The following INPP5A variants were observed in gnomAD, a reference collection of about 807,000 sequenced individuals.
INPP5A encodes inositol polyphosphate-5-phosphatase A, also known as 43 kDa inositol polyphosphate 5-phophatase.
A neutral mutation model predicts 65.2 loss-of-function variants in INPP5A; 14 were observed. The ratio of observed to expected loss-of-function variants is 0.21; its 90% CI spans 0.14 to 0.34. INPP5A has a LOEUF of 0.34. INPP5A is among the 10% of genes least tolerant of loss of function. The pLI, the probability that INPP5A is intolerant of heterozygous loss-of-function variation, is 1.00. For synonymous variants in INPP5A, 207 were observed against 208.3 expected (o/e 0.99, Z 0.05); for missense variants, 431 against 545.6 (o/e 0.79, Z 2.09).
chr10:132,752,431 T>G (rs1590984552), intron 11 of INPP5A, among the ~76,000 whole-genome samples: 2 of 60,276 alleles, frequency 3.3e-5, no homozygotes, highest in Admixed American at 1.7e-4. Flanking sequence ...TGGAGGGGCG[T>G]GTGATGTGGA....
chr10:132,735,589 C>G (rs191401109), intron 9 of INPP5A, among the ~76,000 whole-genome samples: 146 of 152,352 alleles, frequency 9.6e-4, no homozygotes, highest in African/African-American at 3.4e-3. Context: ...CCCATCCTTG[C>G]CCCCTCGGTC....
intron 1 of INPP5A, among the ~76,000 whole-genome samples, chr10:132,602,638 A>G (rs1315361906): frequency 1.3e-5 from 2 of 152,120 alleles, no homozygotes; most frequent in Non-Finnish European, 2.9e-5. Flanking sequence ...GGTTTTGTAT[A>G]CATAAGAGCA....
chr10:132,702,319 T>C (rs1271775532), intron 6 of INPP5A, among the ~76,000 whole-genome samples: 1 of 152,272 alleles, frequency 6.6e-6, no homozygotes, highest in Non-Finnish European at 1.5e-5. Context: ...TTTCTCGTTT[T>C]ATTTATTCAG....
intron 2 of INPP5A, among the ~76,000 whole-genome samples, chr10:132,620,281 A>G (rs1049219060): frequency 2.0e-5 from 3 of 152,238 alleles, no homozygotes; most frequent in African/African-American, 4.8e-5. Flanking sequence ...TGGTTGCTTT[A>G]CAGCCTTTTT....
At chr10:132,712,330 G>T (rs1029433352) in intron 8 of INPP5A, among the ~76,000 whole-genome samples, 1 of 152,036 alleles carries the variant, frequency 6.6e-6, no homozygotes, top group Non-Finnish European at 1.5e-5. Context: ...TTTGTGTGGG[G>T]GTGGGTGTGC....
chr10:132,581,677 T>A (rs575738705), intron 1 of INPP5A, among the ~76,000 whole-genome samples: 1 of 152,182 alleles, frequency 6.6e-6, no homozygotes, highest in Non-Finnish European at 1.5e-5. Context: ...TGACCATTCA[T>A]GTATTTCTTT....
chr10:132,576,349 G>A (rs952847235), intron 1 of INPP5A, among the ~76,000 whole-genome samples: 1 of 152,254 alleles, frequency 6.6e-6, no homozygotes, highest in Admixed American at 6.5e-5. Flanking sequence ...CAGAATGCGG[G>A]CTTGGACAGG....
chr10:132,720,147 C>G (rs1435872295), intron 8 of INPP5A, among the ~76,000 whole-genome samples: 4 of 134,600 alleles, frequency 3.0e-5, no homozygotes, highest in East Asian at 4.7e-4. Flanking sequence ...TGGCTGTCTT[C>G]AGGGTTCTGT....
chr10:132,715,027 C>A (rs971120772), intron 8 of INPP5A, among the ~76,000 whole-genome samples: 2 of 152,218 alleles, frequency 1.3e-5, no homozygotes, highest in African/African-American at 4.8e-5. Context: ...CCGTGCACAC[C>A]CTTGTGTGGC....
At position 132,675,926 on chromosome 10, in the gene INPP5A, T is replaced by C. The variant is rs1212587793; in HGVS notation, c.307-14466T>C. On this transcript the variant is annotated intron_variant, in intron 4 of 15. Transcript: ENST00000368594. This position sits in a 1 kb window ranked among gnomAD's most constrained non-coding sequence, Gnocchi z 4.2. ...ATATCCATAATGCACATAACCAGTTTCTCCAGAACATGTATACATGAAATG... is the reference window on the plus strand; with the variant it reads ...ATATCCATAATGCACATAACCAGTTCCTCCAGAACATGTATACATGAAATG... Among the ~76,000 whole-genome samples the C allele has an allele frequency of 2.0e-5, 3 of 152,164 alleles. No homozygotes were observed. Among genetic ancestry groups the C allele is most frequent in the Non-Finnish European group, 4.4e-5 (3 of 68,028 alleles).
intron 9 of INPP5A, among the ~76,000 whole-genome samples, chr10:132,745,862 C>T (rs1306636819): frequency 2.0e-5 from 3 of 151,940 alleles, no homozygotes; most frequent in African/African-American, 4.8e-5. Flanking sequence ...CCATGGTGGC[C>T]TCGGGTGTGG....
chr10:132,694,044 A>T (rs909810371), intron 5 of INPP5A, among the ~76,000 whole-genome samples: 2 of 152,218 alleles, frequency 1.3e-5, no homozygotes, highest in African/African-American at 4.8e-5. Flanking sequence ...ATTGACACTT[A>T]TAGGATACCT....
chr10:132,546,834 C>T lies in INPP5A; in HGVS notation c.75+8663C>T, dbSNP rs961869363. The stretch of plus-strand genomic sequence containing the variant: ...CTCGTTTCTGCCTGGGCCTGCCTGG[C>T]TGGTCTTGCCTGGCCCTGCTTTTGG... On this transcript the variant is annotated intron_variant, in intron 1 of 15. Coordinates refer to ENST00000368594, the MANE Select transcript of INPP5A (RefSeq NM_005539.5). This position sits in a 1 kb window ranked among gnomAD's most constrained non-coding sequence, Gnocchi z 5.7. Among the ~76,000 whole-genome samples, 3 of 152,324 alleles carry T rather than the reference C, an allele frequency of 2.0e-5. No homozygotes were observed. The highest frequency in any genetic ancestry group is 3.4e-3 in the Middle Eastern group (1 of 294).
intron 8 of INPP5A, among the ~76,000 whole-genome samples, chr10:132,711,972 C>G (rs781477867): frequency 1.2e-4 from 19 of 152,188 alleles, no homozygotes; most frequent in Non-Finnish European, 2.6e-4. Flanking sequence ...GGTGGGGCCC[C>G]TGCCCCAGAG....
intron 12 of INPP5A, among the ~76,000 whole-genome samples, chr10:132,774,092 T>TCCTTCTCCCGCTC (rs1565012938): frequency 6.6e-6 from 1 of 152,344 alleles, no homozygotes; most frequent in East Asian, 1.9e-4. Context: ...CTGTGCCGCT[T>TCCTTCTCCCGCTC]CCTTCTCCCG....
At chr10:132,639,148 C>G (rs2072396013) in intron 2 of INPP5A, among the ~76,000 whole-genome samples, 1 of 152,112 alleles carries the variant, frequency 6.6e-6, no homozygotes. Flanking sequence ...TCTTGGAGAT[C>G]CAAGCTGCCC....
At chr10:132,608,012 T>G in intron 2 of INPP5A, 56 bp downstream of exon 2, 6 of 1,546,172 alleles carry the variant, frequency 3.9e-6, no homozygotes, top group Non-Finnish European at 5.3e-6. Context: ...ATAAGGTGCC[T>G]TTTTGCTTTG....
Position 132,726,884 on chromosome 10 carries a change from G to A in INPP5A, c.711G>A (p.Leu237=), listed in dbSNP as rs34902202. The A allele has an allele frequency of 4.6e-3, 7,456 of 1,609,452 alleles. 258 individuals are homozygous for A. In the African/African-American group the frequency reaches 0.081, roughly 17 times the overall value. Residue 237 remains leucine, a synonymous_variant, in exon 9 of 16, where the codon CTG becomes CTA. Transcript: ENST00000368594. The part of the protein sequence containing the change: ...YFVFGDFNFR[L]DSKSVVETLC... The stretch of plus-strand genomic sequence containing the variant: ...TATTTGGTGATTTCAACTTCCGGCT[G>A]GATTCCAAGTCCGTCGTGGAGGTAG...
rs1004519346 is a variant in INPP5A, at chr10:132,546,168, G to A, written c.75+7997G>A. ...TCCGAGGATGTGGAAGCCACCAGTC[G>A]TCCTGGGTGGGTTGGGGCTGGACAC... is the stretch of plus-strand genomic sequence containing the variant. On this transcript the variant is annotated intron_variant, in intron 1 of 15. Coordinates refer to ENST00000368594, the MANE Select transcript of INPP5A (RefSeq NM_005539.5). The surrounding 1 kb of genome is among the most constrained non-coding windows in gnomAD (Gnocchi z 5.7). Among the ~76,000 whole-genome samples the A allele has an allele frequency of 2.6e-5, 4 of 152,210 alleles. No homozygotes were observed. Among genetic ancestry groups the A allele is most frequent in the South Asian group, 2.1e-4 (1 of 4,834 alleles).
Sources: allele counts gnomAD v4.1 joint callset (sites outside exome capture counted in the v4.1 genomes callset), GRCh38; gene constraint gnomAD v4.1.1; non-coding constraint Gnocchi (gnomAD v3.1); transcripts MANE v1.5; gene names NCBI Gene and HGNC (gene_info 2026-07-23, HGNC 2026-07-21).